The following MAGI2 variants were observed in gnomAD, a reference collection of about 807,000 sequenced individuals.
The protein encoded by MAGI2 is membrane-associated guanylate kinase, WW and PDZ domain-containing protein 2.
In MAGI2, 35 loss-of-function variants were observed where a neutral mutation model predicts 133.3. That is an observed-to-expected ratio of 0.26 (90% confidence interval 0.20 to 0.35). MAGI2 has a LOEUF of 0.35. Ranked by LOEUF, MAGI2 falls within the 10% of genes least tolerant of loss-of-function variation. The pLI is 1.00. For missense variants in MAGI2, 1,636 were observed against 1,863.4 expected, an observed-to-expected ratio of 0.88 and a Z score of 2.25; for synonymous variants, 729 against 710.6, an observed-to-expected ratio of 1.03 and a Z score of -0.41.
chr7:78,038,051 CT>C (rs1810416517), intron 21 of MAGI2, among the ~76,000 whole-genome samples: 1 of 152,154 alleles, frequency 6.6e-6, no homozygotes, highest in Non-Finnish European at 1.5e-5. Context: ...TGGTTATTTT[CT>C]TAGTTCCTTC....
intron 1 of MAGI2, among the ~76,000 whole-genome samples, chr7:79,423,689 T>C (rs1454331663): frequency 6.6e-6 from 1 of 152,144 alleles, no homozygotes; most frequent in Non-Finnish European, 1.5e-5. Flanking sequence ...TGTTTGAAGA[T>C]GGCAGAGCAG....
intron 9 of MAGI2, 136 bp downstream of exon 9, chr7:78,343,642 A>G: frequency 1.8e-6 from 1 of 547,838 alleles, no homozygotes; most frequent in Non-Finnish European, 2.9e-6. Context: ...TAGGGGAAAC[A>G]TAATTTATGC....
At chr7:78,995,364 A>C (rs138028365) in intron 2 of MAGI2, among the ~76,000 whole-genome samples, 23 of 152,264 alleles carry the variant, frequency 1.5e-4, no homozygotes, top group African/African-American at 5.1e-4. Flanking sequence ...AATTACTGAA[A>C]TAATATAATT....
chr7:78,372,998 A>AT (rs1794079280), intron 6 of MAGI2, among the ~76,000 whole-genome samples: 1 of 117,030 alleles, frequency 8.5e-6, no homozygotes, highest in East Asian at 2.5e-4. Flanking sequence ...ATGTGTGTGT[A>AT]TTTTTTAACA....
chr7:79,205,250 T>TA (rs1028292914), intron 1 of MAGI2, among the ~76,000 whole-genome samples: 18 of 151,626 alleles, frequency 1.2e-4, no homozygotes, highest in African/African-American at 4.4e-4. Flanking sequence ...ACCAAATAGG[T>TA]ATAAGAGAGT....
At chr7:78,100,777 A>G (rs1322813088) in intron 20 of MAGI2, among the ~76,000 whole-genome samples, 1 of 152,230 alleles carries the variant, frequency 6.6e-6, no homozygotes, top group Non-Finnish European at 1.5e-5. Flanking sequence ...CTGTTTGCAG[A>G]TGACATAATC....
In MAGI2 at chr7:78,057,973, A is replaced by ATGTGTG. The variant is rs1364096782; in HGVS notation, c.3706+20973_3706+20974insCACACA. Reference sequence around the variant, plus strand: ...TTCTCCCCTCTGGCATTTTATATATATGTGTATATATATATATATATATAT... The same window carrying ATGTGTG: ...TTCTCCCCTCTGGCATTTTATATATATGTGTGTGTGTATATATATATATATATATAT... On this transcript the variant is annotated intron_variant, in intron 21 of 21. Coordinates refer to ENST00000354212, the MANE Select transcript of MAGI2 (RefSeq NM_012301.4). Among the ~76,000 whole-genome samples, 626 of 70,746 alleles carry ATGTGTG rather than the reference A, an allele frequency of 8.8e-3. 11 individuals are homozygous for ATGTGTG. The highest frequency in any genetic ancestry group is 0.045 in the African/African-American group (603 of 13,276). The allele number at this position is 70,746 out of a possible 152,430, so 46.4% of individuals were successfully genotyped here. A position where few individuals can be genotyped will look rare whatever the true frequency, so the allele number is the denominator to read the frequency against.
intron 6 of MAGI2, among the ~76,000 whole-genome samples, chr7:78,373,785 T>C (rs917177884): frequency 5.9e-5 from 9 of 152,160 alleles, no homozygotes; most frequent in Non-Finnish European, 1.3e-4. Flanking sequence ...GTGTCTATTG[T>C]TGCCATCTTT....
chr7:79,265,327 G>A lies in MAGI2; in HGVS notation c.301+187693C>T, dbSNP rs532820746. 4.5e-4 allele frequency among the ~76,000 whole-genome samples: 68 copies of A among 152,174 alleles called. 1 individual carries two copies. The highest frequency in any genetic ancestry group is 1.4e-3 in the African/African-American group (59 of 41,522). On this transcript the variant is annotated intron_variant, in intron 1 of 21. Coordinates refer to ENST00000354212, the MANE Select transcript of MAGI2 (RefSeq NM_012301.4). Reference sequence around the variant, plus strand: ...GTAATACACATGAAAGTTTGAGGACGACTGCTCTGTACTGCTATACTGCAC... The same window carrying A: ...GTAATACACATGAAAGTTTGAGGACAACTGCTCTGTACTGCTATACTGCAC...
Position 79,422,376 on chromosome 7 carries a change from T to C in MAGI2, c.301+30644A>G, listed in dbSNP as rs74906488. 2.2e-3 allele frequency among the ~76,000 whole-genome samples: 334 copies of C among 152,138 alleles called. 10 individuals are homozygous for C. The East Asian group carries it at 0.049, about 22-fold the overall frequency. On this transcript the variant is annotated intron_variant, in intron 1 of 21. Transcript: ENST00000354212. ...CATGAGATATTATTTGAATTAATCATATATATGTCACATATATTTAGCTAC... is the reference window on the plus strand; with the variant it reads ...CATGAGATATTATTTGAATTAATCACATATATGTCACATATATTTAGCTAC...
At chr7:78,497,247 A>C (rs1436239454) in intron 5 of MAGI2, among the ~76,000 whole-genome samples, 1 of 152,230 alleles carries the variant, frequency 6.6e-6, no homozygotes, top group Admixed American at 6.5e-5. Context: ...AACATAAGAC[A>C]TTATTACTAT....
At chr7:79,162,082 G>C (rs2129547793) in intron 1 of MAGI2, among the ~76,000 whole-genome samples, 1 of 151,738 alleles carries the variant, frequency 6.6e-6, no homozygotes, top group East Asian at 1.9e-4. Context: ...TCAAGAAATT[G>C]TTTCAAAGGA....
At position 79,013,465 on chromosome 7, in the gene MAGI2, T is replaced by C. The variant is rs553493286; in HGVS notation, c.302-6259A>G. ...CGCAAATGTACCTTAGGTTAATTGA[T>C]TGGATGGTGGATAAGTTGAGGAATA... On this transcript the variant is annotated intron_variant, in intron 1 of 21. Coordinates refer to ENST00000354212, the MANE Select transcript of MAGI2 (RefSeq NM_012301.4). Among the ~76,000 whole-genome samples, 15 of 152,274 alleles carry C rather than the reference T, an allele frequency of 9.9e-5. No homozygotes were observed. In the South Asian group the frequency reaches 1.0e-3, roughly 11 times the overall value.
Position 78,234,603 on chromosome 7 carries a change from A to G in MAGI2, c.2047+21340T>C, listed in dbSNP as rs1790329369. Among the ~76,000 whole-genome samples, 5 of 10,560 alleles carry G rather than the reference A, an allele frequency of 4.7e-4. No individual in the cohort carries two copies. In the Admixed American group the frequency reaches 5.3e-3, roughly 11 times the overall value. The allele number at this position is 10,560 out of a possible 152,430, so 6.9% of individuals were successfully genotyped here. A position where few individuals can be genotyped will look rare whatever the true frequency, so the allele number is the denominator to read the frequency against. On this transcript the variant is annotated intron_variant, in intron 10 of 21. Transcript: ENST00000354212. ...TTATATTTCATATAATATAATGAAT[A>G]TATTTCATATTCATTATATTTCATA...
At chr7:78,501,856 G>C (rs1228657702) in intron 4 of MAGI2, 69 bp from the exon 5 acceptor site, 1 of 1,132,518 alleles carries the variant, frequency 8.8e-7, no homozygotes, top group African/African-American at 1.5e-5. Flanking sequence ...TATGGAGAAT[G>C]CTGTACCAGG....
chr7:78,535,852 G>T (rs781685748), intron 3 of MAGI2, among the ~76,000 whole-genome samples: 3 of 148,826 alleles, frequency 2.0e-5, no homozygotes, highest in Non-Finnish European at 4.5e-5. Flanking sequence ...CGAGAACCTG[G>T]CTCATCTAGT....
chr7:78,635,000 G>A (rs940098287), intron 2 of MAGI2, among the ~76,000 whole-genome samples: 18 of 152,230 alleles, frequency 1.2e-4, no homozygotes, highest in Non-Finnish European at 2.2e-4. Context: ...GCTAAGTTGA[G>A]GCTTTGTTTC....
intron 2 of MAGI2, among the ~76,000 whole-genome samples, chr7:78,651,098 T>C (rs189722863): frequency 1.6e-4 from 24 of 152,318 alleles, no homozygotes; most frequent in African/African-American, 5.8e-4. Context: ...TCTCATGTCA[T>C]GTTATTTCAA....
chr7:78,134,355 T>C (rs1821878426), intron 17 of MAGI2: 1 of 152,216 alleles, frequency 6.6e-6, no homozygotes, highest in Non-Finnish European at 1.5e-5. Context: ...TCAATATCGT[T>C]GATGAGTCAG....
Sources: allele counts gnomAD v4.1 joint callset (sites outside exome capture counted in the v4.1 genomes callset), GRCh38; gene constraint gnomAD v4.1.1; transcripts MANE v1.5; gene names NCBI Gene and HGNC (gene_info 2026-07-23, HGNC 2026-07-21).